Variants in CCDC93 observed in about 807,000 individuals in gnomAD.
CCDC93 encodes CCC complex scaffolding subunit CCDC93.
A neutral mutation model predicts 108.2 loss-of-function variants in CCDC93; 61 were observed. That is an observed-to-expected ratio of 0.56 (90% CI 0.46 to 0.70). CCDC93 has a LOEUF of 0.70. Ranked by LOEUF, CCDC93 falls within the 30% of genes least tolerant of loss-of-function variation. CCDC93 has a pLI of 0.00. For synonymous variants in CCDC93, 276 were observed against 260.4 expected (o/e 1.06, Z -0.58); for missense variants, 685 against 764.2 (o/e 0.90, Z 1.22).
Position 117,941,314 on chromosome 2 carries a change from G to A in CCDC93, c.1414-17C>T, listed in dbSNP as rs753744036. On this transcript the variant is annotated splice_polypyrimidine_tract_variant and intron_variant, in intron 18 of 23. Coordinates refer to ENST00000376300, the MANE Select transcript of CCDC93 (RefSeq NM_019044.5). ...TCTTCGAGCCTAAATGCAAAAGGGA[G>A]ACAGAGACAGTACTATTTGGTAAAA... is the stretch of plus-strand genomic sequence containing the variant. 1.3e-6 allele frequency: 2 copies of A among 1,592,636 alleles called. No individual in the cohort carries two copies. Among genetic ancestry groups the A allele is most frequent in the East Asian group, 2.2e-5 (1 of 44,780 alleles).
At position 117,918,385 on chromosome 2, in the gene CCDC93, T is replaced by A. The variant is rs551998276; in HGVS notation, c.*1958A>T. ...AAAACCAAACCAAATGAAACTCCTATGAAATACAGCTCAAAATAAATGCCT... is the reference window on the plus strand; with the variant it reads ...AAAACCAAACCAAATGAAACTCCTAAGAAATACAGCTCAAAATAAATGCCT... On this transcript the variant is annotated 3_prime_UTR_variant, in exon 24 of 24. Transcript: ENST00000376300. 16 of 152,286 alleles carry A rather than the reference T, an allele frequency of 1.1e-4. No individual in the cohort carries two copies. The highest frequency in any genetic ancestry group is 3.9e-4 in the African/African-American group (16 of 41,558). The allele number at this position is 152,286 out of a possible 1,614,324, so 9.4% of individuals were successfully genotyped here.
chr2:117,944,783 C>T (rs778136387), intron 17 of CCDC93: 23 of 471,088 alleles, frequency 4.9e-5, no homozygotes, highest in Non-Finnish European at 8.4e-5. Flanking sequence ...TGGAAGAGTG[C>T]TGAAGCTCAT....
At chr2:117,923,247 G>A (rs1298639487) in intron 23 of CCDC93, among the ~76,000 whole-genome samples, 1 of 152,130 alleles carries the variant, frequency 6.6e-6, no homozygotes, top group African/African-American at 2.4e-5. Context: ...TCACCTCACT[G>A]GGGAGTGTCA....
intron 7 of CCDC93, among the ~76,000 whole-genome samples, chr2:117,985,147 A>AAC (rs1553457543): frequency 2.2e-4 from 10 of 44,802 alleles, no homozygotes; most frequent in African/African-American, 9.3e-4. Flanking sequence ...AAAACAAAAC[A>AAC]AAAAAAAAAA....
intron 6 of CCDC93, among the ~76,000 whole-genome samples, chr2:117,987,170 C>G (rs1449169448): frequency 6.6e-6 from 1 of 151,676 alleles, no homozygotes; most frequent in Non-Finnish European, 1.5e-5. Context: ...AAGTATAAAT[C>G]TTCATATATA....
intron 23 of CCDC93, among the ~76,000 whole-genome samples, chr2:117,925,525 A>G (rs1486842249): frequency 1.3e-5 from 2 of 152,242 alleles, no homozygotes; most frequent in Non-Finnish European, 1.5e-5. Context: ...GACACAAAGA[A>G]GGCTATTACA....
chr2:117,917,797 C>A lies in CCDC93; in HGVS notation c.*2546G>T, dbSNP rs1264263232. The A allele has an allele frequency of 1.3e-5, 2 of 152,228 alleles. No homozygotes were observed. The highest frequency in any genetic ancestry group is 6.5e-5 in the Admixed American group (1 of 15,290). The allele number at this position is 152,228 out of a possible 1,614,324, so 9.4% of individuals were successfully genotyped here. The stretch of plus-strand genomic sequence containing the variant: ...GATCGCGGCTTAAAGCAGAGCAGTC[C>A]CATGTACTCCATAAGAAGCAAGAAG... On this transcript the variant is annotated 3_prime_UTR_variant, in exon 24 of 24. Transcript: ENST00000376300.
intron 7 of CCDC93, among the ~76,000 whole-genome samples, chr2:117,981,629 A>G (rs938886364): frequency 2.0e-5 from 3 of 152,246 alleles, no homozygotes; most frequent in Non-Finnish European, 2.9e-5. Context: ...CAAAAGAAAT[A>G]TAAAGAAGGA....
intron 9 of CCDC93, 119 bp from the exon 10 acceptor site, chr2:117,975,019 T>C (rs1679889008): frequency 1.9e-6 from 2 of 1,068,526 alleles, no homozygotes; most frequent in African/African-American, 1.6e-5. Flanking sequence ...TCTCGTCTTA[T>C]GTGAGCCTCA....
intron 23 of CCDC93, among the ~76,000 whole-genome samples, chr2:117,926,175 T>C (rs1257407262): frequency 1.6e-4 from 24 of 151,960 alleles, no homozygotes; most frequent in Non-Finnish European, 2.6e-4. Context: ...AGGAAAGATC[T>C]AAAATTGACA....
At chr2:117,973,546 A>C (rs1185901093) in intron 11 of CCDC93, among the ~76,000 whole-genome samples, 3 of 152,182 alleles carry the variant, frequency 2.0e-5, no homozygotes, top group South Asian at 2.1e-4. Context: ...CTAAGTGGCA[A>C]AGCTTCATTC....
intron 23 of CCDC93, among the ~76,000 whole-genome samples, chr2:117,926,257 A>G (rs1678089639): frequency 6.6e-6 from 1 of 152,228 alleles, no homozygotes; most frequent in African/African-American, 2.4e-5. Flanking sequence ...AAGGCAAGAA[A>G]TAACTAAGAT....
Position 117,917,615 on chromosome 2 carries a change from C to CT in CCDC93, c.*2727dup, listed in dbSNP as rs1199795506. 1.3e-5 allele frequency: 2 copies of CT among 152,286 alleles called. No homozygotes were observed. The highest frequency in any genetic ancestry group is 4.8e-5 in the African/African-American group (2 of 41,458). The allele number at this position is 152,286 out of a possible 1,614,324, so 9.4% of individuals were successfully genotyped here. A position where few individuals can be genotyped will look rare whatever the true frequency, so the allele number is the denominator to read the frequency against. On this transcript the variant is annotated 3_prime_UTR_variant, in exon 24 of 24. Transcript: ENST00000376300. ...TGTTAAAACAACCCTCAGTGTGACTCTGACGACTGTTTAACATTCTGTACC... is the reference window on the plus strand; with the variant it reads ...TGTTAAAACAACCCTCAGTGTGACTCTTGACGACTGTTTAACATTCTGTACC...
chr2:117,949,258 C>A, intron 14 of CCDC93, 64 bp downstream of exon 14: 1 of 1,122,608 alleles, frequency 8.9e-7, no homozygotes, highest in Non-Finnish European at 1.4e-6. Flanking sequence ...ACAAATTAAG[C>A]CAACAAGTAT....
chr2:117,926,661 T>C lies in CCDC93; in HGVS notation c.1842+4376A>G, dbSNP rs1678116009. 2.0e-5 allele frequency among the ~76,000 whole-genome samples: 3 copies of C among 152,166 alleles called. No homozygotes were observed. In the South Asian group the frequency reaches 6.2e-4, roughly 31 times the overall value. On this transcript the variant is annotated intron_variant, in intron 23 of 23. Coordinates refer to ENST00000376300, the MANE Select transcript of CCDC93 (RefSeq NM_019044.5). The stretch of plus-strand genomic sequence containing the variant: ...CAACCAAAAAAAGTCCAGGACCAGA[T>C]GGATTCACAGCCAAATTCTACCAGA...
chr2:117,945,528 C>T lies in CCDC93; in HGVS notation c.1350+1G>A, dbSNP rs140512719. 1.5e-5 allele frequency: 24 copies of T among 1,613,426 alleles called. No individual in the cohort carries two copies. Among genetic ancestry groups the T allele is most frequent in the East Asian group, 1.1e-4 (5 of 44,880 alleles). ...CCAGTCCTGAGCAGGCAGGTACTTACGTCATGAGTCATTGCAGAGGTCAAG... is the reference window on the plus strand; with the variant it reads ...CCAGTCCTGAGCAGGCAGGTACTTATGTCATGAGTCATTGCAGAGGTCAAG... On this transcript the variant is annotated splice_donor_variant, in intron 17 of 23. Coordinates refer to ENST00000376300, the MANE Select transcript of CCDC93 (RefSeq NM_019044.5). LOFTEE classifies it high-confidence loss of function.
At position 117,992,550 on chromosome 2, in the gene CCDC93, C is replaced by T. The variant is rs1373947209; in HGVS notation, c.519+2896G>A. ...TGAACCACCAGGCCGGACACGTTTT[C>T]CTTTATTCTGATACTATTTTCTCAT... On this transcript the variant is annotated intron_variant, in intron 6 of 23. Transcript: ENST00000376300. Among the ~76,000 whole-genome samples the T allele has an allele frequency of 2.6e-5, 4 of 152,066 alleles. No homozygotes were observed. The East Asian group carries it at 7.7e-4, about 29-fold the overall frequency.
In CCDC93 at chr2:118,000,950, C is replaced by T. The variant is rs1259817580; in HGVS notation, c.252-18G>A. On this transcript the variant is annotated intron_variant, in intron 3 of 23. Coordinates refer to ENST00000376300, the MANE Select transcript of CCDC93 (RefSeq NM_019044.5). ...ACAGAGCTCTGTTCAGAAAAAGTAA[C>T]AAGCAAAGAGTGAGGCATACTAAGT... 2.0e-6 allele frequency: 3 copies of T among 1,514,144 alleles called. No homozygotes were observed. The African/African-American group carries it at 4.1e-5, about 21-fold the overall frequency. The allele number at this position is 1,514,144 out of a possible 1,614,324, so 93.8% of individuals were successfully genotyped here.
In CCDC93 at chr2:117,952,382, C is replaced by A. The variant is rs142968515; in HGVS notation, c.1059G>T (p.Thr353=). ...GAATCTATCTGCTCACCTCTGTCAG[C>A]GTTTTCTTGGCTTCATTATATCTGG... ...LQARYNEAKK[T]LTELKTYSEK... The change falls in exon 13 of 24, where the codon ACG becomes ACT. Residue 353 remains threonine (T), a synonymous_variant. Coordinates refer to ENST00000376300, the MANE Select transcript of CCDC93 (RefSeq NM_019044.5). The A allele has an allele frequency of 6.2e-7, 1 of 1,611,288 alleles. No individual in the cohort carries two copies. The highest frequency in any genetic ancestry group is 8.5e-7 in the Non-Finnish European group (1 of 1,177,386).
Sources: allele counts gnomAD v4.1 joint callset (sites outside exome capture counted in the v4.1 genomes callset), GRCh38; gene constraint gnomAD v4.1.1; transcripts MANE v1.5; gene names NCBI Gene and HGNC (gene_info 2026-07-23, HGNC 2026-07-21).